KRTAP5-2: variants seen among roughly 807,000 people sequenced by gnomAD.
KRTAP5-2 encodes the protein keratin-associated protein 5-2.
For synonymous variants in KRTAP5-2, 79 were observed against 82.7 expected, an observed-to-expected ratio of 0.96 and a Z score of 0.24; for missense variants, 188 against 212.8, an observed-to-expected ratio of 0.88 and a Z score of 0.73.
In KRTAP5-2 at chr11:1,597,913, C is replaced by T. The variant is rs1335973660; in HGVS notation, c.338G>A (p.Cys113Tyr). The T allele has an allele frequency of 1.2e-6, 2 of 1,613,860 alleles. No individual in the cohort carries two copies. Among genetic ancestry groups the T allele is most frequent in the Middle Eastern group, 1.7e-4 (1 of 6,048 alleles). The change falls in exon 1 of 1, where the codon TGC (cysteine) becomes TAC (tyrosine). Residue 113 changes from cysteine to tyrosine, a missense_variant. Cys to Tyr is a radical substitution (Grantham distance 194). Transcript: ENST00000412090. ...GGGCTTACAACAGCTGGACTGGGAG[C>T]AGCCACAAGAACCACAGCCCCCCTT... ...GSKGGCGSCGCSQSSCCKPCC... is the reference protein window; with the variant it reads ...GSKGGCGSCGYSQSSCCKPCC...
At position 1,597,686 on chromosome 11, in the gene KRTAP5-2, A is replaced by G. The variant is rs1333028108; in HGVS notation, c.*31T>C. On this transcript the variant is annotated 3_prime_UTR_variant, in exon 1 of 1. Transcript: ENST00000412090. Reference sequence around the variant, plus strand: ...ACCATAAGAAATGCTTTCACCAAACAGGAGAAACCTGAAGGTCTGGGTCCA... The same window carrying G: ...ACCATAAGAAATGCTTTCACCAAACGGGAGAAACCTGAAGGTCTGGGTCCA... 1.9e-6 allele frequency: 3 copies of G among 1,612,662 alleles called. No individual in the cohort carries two copies. The Admixed American group carries it at 5.0e-5, about 27-fold the overall frequency.
Position 1,597,527 on chromosome 11 carries a change from G to A in KRTAP5-2, c.*190C>T, listed in dbSNP as rs372855068. 110 of 948,178 alleles carry A rather than the reference G, an allele frequency of 1.2e-4. No individual in the cohort carries two copies. The highest frequency in any genetic ancestry group is 1.6e-4 in the Non-Finnish European group (99 of 636,818). The allele number at this position is 948,178 out of a possible 1,614,324, so 58.7% of individuals were successfully genotyped here. A position where few individuals can be genotyped will look rare whatever the true frequency, so the allele number is the denominator to read the frequency against. On this transcript the variant is annotated 3_prime_UTR_variant, in exon 1 of 1. Transcript: ENST00000412090. ...CACCTCCCGCATCAGGGAAACACAC[G>A]TTTCTGGAGTGAGGAGGCTGAAGGC...
chr11:1,597,906 C>A lies in KRTAP5-2; in HGVS notation c.345G>T (p.Gln115His), dbSNP rs770043929. Residue 115 changes from glutamine (Q) to histidine (H), a missense_variant, in exon 1 of 1, where the codon CAG becomes CAT. By Grantham distance (24) the Gln-to-His change is conservative (BLOSUM62 0). Coordinates refer to ENST00000412090, the MANE Select transcript of KRTAP5-2 (RefSeq NM_001004325.2). ...KGGCGSCGCS[Q>H]SSCCKPCCCS... ...AGCAACAGGGCTTACAACAGCTGGA[C>A]TGGGAGCAGCCACAAGAACCACAGC... 4.3e-6 allele frequency: 7 copies of A among 1,613,776 alleles called. No individual in the cohort carries two copies. In the South Asian group the frequency reaches 6.6e-5, roughly 15 times the overall value.
chr11:1,597,413 A>G lies in KRTAP5-2; in HGVS notation c.*304T>C. 2.1e-6 allele frequency: 1 copy of G among 466,356 alleles called. No homozygotes were observed. The allele number at this position is 466,356 out of a possible 1,614,324, so 28.9% of individuals were successfully genotyped here. A position where few individuals can be genotyped will look rare whatever the true frequency, so the allele number is the denominator to read the frequency against. ...CTTGTGGGGTCAGACCTTGCATCTC[A>G]GTCAGCCCAGGGAGAAGAAGAAGAT... On this transcript the variant is annotated 3_prime_UTR_variant, in exon 1 of 1. Coordinates refer to ENST00000412090, the MANE Select transcript of KRTAP5-2 (RefSeq NM_001004325.2).
Position 1,597,959 on chromosome 11 carries a change from AGCCCCCCTTGG to A in KRTAP5-2, c.281_291del (p.Ser94LeufsTer23). The A allele has an allele frequency of 7.8e-6, 3 of 384,008 alleles. No homozygotes were observed. Among genetic ancestry groups the A allele is most frequent in the Non-Finnish European group, 1.1e-5 (3 of 270,016 alleles). 23.8% of individuals were successfully genotyped at this position (384,008 alleles called of 1,614,324 possible). A position where few individuals can be genotyped will look rare whatever the true frequency, so the allele number is the denominator to read the frequency against. Reference sequence around the variant, plus strand: ...CCCTTGGAACCCCCACAGGAGCCACAGCCCCCCTTGGAGCCCCCACAGGAGCCACAGCCCCC... The same window carrying A: ...CCCTTGGAACCCCCACAGGAGCCACAAGCCCCCACAGGAGCCACAGCCCCC... On this transcript the variant is annotated frameshift_variant, in exon 1 of 1. Transcript: ENST00000412090. LOFTEE classifies it low-confidence loss of function (END_TRUNC).
rs1310869482 is a variant in KRTAP5-2 at position 1,598,110 on chromosome 11, G to A, written c.141C>T (p.Ser47=). Residue 47 remains serine, a synonymous_variant, in exon 1 of 1, where the codon TCC becomes TCT. Transcript: ENST00000412090. ...GCGSGCGGCS[S]SCGGCGSRCY... ...ATCTGGAGCCACATCCCCCACAGCT[G>A]GAGCTGCAGCCCCCACAGCCAGAGC... The A allele has an allele frequency of 6.2e-7, 1 of 1,610,756 alleles. No individual in the cohort carries two copies. Among genetic ancestry groups the A allele is most frequent in the East Asian group, 2.2e-5 (1 of 44,804 alleles).
chr11:1,598,195 G>C lies in KRTAP5-2; in HGVS notation c.56C>G (p.Ser19Cys). Residue 19 changes from serine (S) to cysteine (C), a missense_variant, in exon 1 of 1, where the codon TCC (serine) becomes TGC (cysteine). Coordinates refer to ENST00000412090, the MANE Select transcript of KRTAP5-2 (RefSeq NM_001004325.2). ...GCCAGAGCCACAACCCCCACAGCTG[G>C]AGCCACAGCCCCCACAGCCGGAGCC... is the stretch of plus-strand genomic sequence containing the variant. The part of the protein sequence containing the change: ...GCGSGCGGCG[S>C]SCGGCGSGCG... 1 of 1,597,966 alleles carries C rather than the reference G, an allele frequency of 6.3e-7. No individual in the cohort carries two copies. The highest frequency in any genetic ancestry group is 8.5e-7 in the Non-Finnish European group (1 of 1,170,282).
At position 1,597,465 on chromosome 11, in the gene KRTAP5-2, C is replaced by T. The variant is rs567470567; in HGVS notation, c.*252G>A. On this transcript the variant is annotated 3_prime_UTR_variant, in exon 1 of 1. Transcript: ENST00000412090. Reference sequence around the variant, plus strand: ...GTCCACACCCAAGTGCAGGGAACATCGTGGCAGTCGGCTGGGTGCCTGCGT... The same window carrying T: ...GTCCACACCCAAGTGCAGGGAACATTGTGGCAGTCGGCTGGGTGCCTGCGT... 12 of 616,478 alleles carry T rather than the reference C, an allele frequency of 1.9e-5. No individual in the cohort carries two copies. The highest frequency in any genetic ancestry group is 1.2e-4 in the East Asian group (4 of 33,638). The allele number at this position is 616,478 out of a possible 1,614,324, so 38.2% of individuals were successfully genotyped here. A position where few individuals can be genotyped will look rare whatever the true frequency, so the allele number is the denominator to read the frequency against.
rs374648335 is a variant in KRTAP5-2, at chr11:1,597,901, C to G, written c.350G>C (p.Ser117Thr). Reference sequence around the variant, plus strand: ...GGAGCAGCAACAGGGCTTACAACAGCTGGACTGGGAGCAGCCACAAGAACC... The same window carrying G: ...GGAGCAGCAACAGGGCTTACAACAGGTGGACTGGGAGCAGCCACAAGAACC... ...GCGSCGCSQS[S>T]CCKPCCCSSG... Residue 117 changes from serine (S) to threonine (T), a missense_variant, in exon 1 of 1, where the codon AGC becomes ACC. Physicochemically the swap from Ser to Thr is moderately conservative, Grantham distance 58. Coordinates refer to ENST00000412090, the MANE Select transcript of KRTAP5-2 (RefSeq NM_001004325.2). 7.4e-6 allele frequency: 12 copies of G among 1,613,832 alleles called. No individual in the cohort carries two copies. In the African/African-American group the frequency reaches 1.6e-4, roughly 22 times the overall value.
rs1849299796 is a variant in KRTAP5-2, at chr11:1,597,386, G to C, written c.*331C>G. The stretch of plus-strand genomic sequence containing the variant: ...GTGATCACTCAGAAACGTCGGCCTG[G>C]CCTTGTGGGGTCAGACCTTGCATCT... On this transcript the variant is annotated 3_prime_UTR_variant, in exon 1 of 1. Coordinates refer to ENST00000412090, the MANE Select transcript of KRTAP5-2 (RefSeq NM_001004325.2). 2.4e-6 allele frequency: 1 copy of C among 408,980 alleles called. No homozygotes were observed. Among genetic ancestry groups the C allele is most frequent in the Admixed American group, 3.8e-5 (1 of 26,436 alleles). 25.3% of individuals were successfully genotyped at this position (408,980 alleles called of 1,614,324 possible).
Position 1,597,784 on chromosome 11 carries a change from C to T in KRTAP5-2, c.467G>A (p.Ser156Asn). Reference protein sequence around the residue: ...SCCVPVCCQSSCCKPCCCQSN... With the variant: ...SCCVPVCCQSNCCKPCCCQSN... ...CTGGCAGCAACAGGGCTTGCAGCAG[C>T]TGGACTGGCAGCACACGGGGACACA... The change falls in exon 1 of 1, where the codon AGC becomes AAC. Residue 156 changes from serine to asparagine, a missense_variant. Physicochemically the swap from Ser to Asn is conservative, Grantham distance 46. Coordinates refer to ENST00000412090, the MANE Select transcript of KRTAP5-2 (RefSeq NM_001004325.2). 2 of 1,613,910 alleles carry T rather than the reference C, an allele frequency of 1.2e-6. No homozygotes were observed. The highest frequency in any genetic ancestry group is 1.1e-5 in the South Asian group (1 of 91,078).
chr11:1,598,199 C>G lies in KRTAP5-2; in HGVS notation c.52G>C (p.Gly18Arg). ...GAGCCACAACCCCCACAGCTGGAGC[C>G]ACAGCCCCCACAGCCGGAGCCACAG... ...RGCGSGCGGC[G>R]SSCGGCGSGC... Residue 18 changes from glycine (G) to arginine (R), a missense_variant, in exon 1 of 1, where the codon GGC (glycine) becomes CGC (arginine). Physicochemically the swap from Gly to Arg is moderately radical, Grantham distance 125 (BLOSUM62 -2). Coordinates refer to ENST00000412090, the MANE Select transcript of KRTAP5-2 (RefSeq NM_001004325.2). The G allele has an allele frequency of 6.2e-7, 1 of 1,600,634 alleles. No homozygotes were observed. Among genetic ancestry groups the G allele is most frequent in the South Asian group, 1.1e-5 (1 of 90,396 alleles).
Position 1,598,050 on chromosome 11 carries a change from G to T in KRTAP5-2, c.201C>A (p.Cys67Ter). Residue 67 changes from cysteine to a stop codon, truncating the protein, a stop_gained, in exon 1 of 1, where the codon TGC (cysteine) becomes TGA (stop). Coordinates refer to ENST00000412090, the MANE Select transcript of KRTAP5-2 (RefSeq NM_001004325.2). LOFTEE classifies it low-confidence loss of function (END_TRUNC). ...YVPVCCCKPV[C>*]SWVPACSCTS... Reference sequence around the variant, plus strand: ...TGCAGGAACAGGCTGGCACCCAGGAGCACACGGGCTTGCAGCAGCAGACAG... The same window carrying T: ...TGCAGGAACAGGCTGGCACCCAGGATCACACGGGCTTGCAGCAGCAGACAG... 3 of 1,611,316 alleles carry T rather than the reference G, an allele frequency of 1.9e-6. No homozygotes were observed. Among genetic ancestry groups the T allele is most frequent in the Non-Finnish European group, 2.5e-6 (3 of 1,179,798 alleles).
In KRTAP5-2 at chr11:1,597,773, G is replaced by A. The variant is rs1238303967; in HGVS notation, c.478C>T (p.Pro160Ser). The A allele has an allele frequency of 1.2e-6, 2 of 1,613,936 alleles. No homozygotes were observed. Among genetic ancestry groups the A allele is most frequent in the Non-Finnish European group, 1.7e-6 (2 of 1,179,878 alleles). Residue 160 changes from proline to serine, a missense_variant, in exon 1 of 1, where the codon CCC becomes TCC. Physicochemically the swap from Pro to Ser is moderately conservative, Grantham distance 74 (BLOSUM62 -1). Transcript: ENST00000412090. ...CAACAGTTGGACTGGCAGCAACAGG[G>A]CTTGCAGCAGCTGGACTGGCAGCAC... Reference protein sequence around the residue: ...PVCCQSSCCKPCCCQSNCCVP... With the variant: ...PVCCQSSCCKSCCCQSNCCVP...
chr11:1,597,619 A>G lies in KRTAP5-2; in HGVS notation c.*98T>C. 1 of 1,561,048 alleles carries G rather than the reference A, an allele frequency of 6.4e-7. No individual in the cohort carries two copies. Among genetic ancestry groups the G allele is most frequent in the Non-Finnish European group, 8.7e-7 (1 of 1,144,612 alleles). ...ATGGATGGTGAGCTAGAGCAGGTGCAGGTGCCTCAGGGAGGATGTGTGGGA... is the reference window on the plus strand; with the variant it reads ...ATGGATGGTGAGCTAGAGCAGGTGCGGGTGCCTCAGGGAGGATGTGTGGGA... On this transcript the variant is annotated 3_prime_UTR_variant, in exon 1 of 1. Coordinates refer to ENST00000412090, the MANE Select transcript of KRTAP5-2 (RefSeq NM_001004325.2).
In KRTAP5-2 at chr11:1,597,234, T is replaced by G; in HGVS notation, c.*483A>C. The G allele has an allele frequency of 5.9e-6, 1 of 170,366 alleles. No individual in the cohort carries two copies. The allele number at this position is 170,366 out of a possible 1,614,324, so 10.6% of individuals were successfully genotyped here. On this transcript the variant is annotated 3_prime_UTR_variant, in exon 1 of 1. Transcript: ENST00000412090. ...GGAAATTCATTCATTATTTTGTTAT[T>G]TTTTTTTAAACAGATGGAGACAACA... is the stretch of plus-strand genomic sequence containing the variant.
At position 1,597,489 on chromosome 11, in the gene KRTAP5-2, G is replaced by A. The variant is rs571180708; in HGVS notation, c.*228C>T. ...TCGTGGCAGTCGGCTGGGTGCCTGC[G>A]TCCAGGCGAGGACACCTCCCGCATC... is the stretch of plus-strand genomic sequence containing the variant. On this transcript the variant is annotated 3_prime_UTR_variant, in exon 1 of 1. Coordinates refer to ENST00000412090, the MANE Select transcript of KRTAP5-2 (RefSeq NM_001004325.2). 9 of 705,236 alleles carry A rather than the reference G, an allele frequency of 1.3e-5. No homozygotes were observed. The highest frequency in any genetic ancestry group is 9.7e-5 in the South Asian group (5 of 51,406). 43.7% of individuals were successfully genotyped at this position (705,236 alleles called of 1,614,324 possible).
rs982228957 is a variant in KRTAP5-2 at position 1,598,033 on chromosome 11, C to G, written c.218G>C (p.Cys73Ser). Residue 73 changes from cysteine to serine, a missense_variant, in exon 1 of 1, where the codon TGT becomes TCT. By Grantham distance (112) the Cys-to-Ser change is moderately radical (BLOSUM62 -1). Transcript: ENST00000412090. ...ACAGGAGCCACAGCTGGTGCAGGAA[C>G]AGGCTGGCACCCAGGAGCACACGGG... The part of the protein sequence containing the change: ...CKPVCSWVPA[C>S]SCTSCGSCGG... 41 of 1,611,804 alleles carry G rather than the reference C, an allele frequency of 2.5e-5. No homozygotes were observed. In the East Asian group the frequency reaches 8.9e-4, roughly 35 times the overall value.
Position 1,597,662 on chromosome 11 carries a change from C to G in KRTAP5-2, c.*55G>C, listed in dbSNP as rs145895339. 6.2e-7 allele frequency: 1 copy of G among 1,608,558 alleles called. No homozygotes were observed. Among genetic ancestry groups the G allele is most frequent in the Non-Finnish European group, 8.5e-7 (1 of 1,176,036 alleles). On this transcript the variant is annotated 3_prime_UTR_variant, in exon 1 of 1. Transcript: ENST00000412090. ...GTGTGGGACGAACTGACTCAGGGAACCATAAGAAATGCTTTCACCAAACAG... is the reference window on the plus strand; with the variant it reads ...GTGTGGGACGAACTGACTCAGGGAAGCATAAGAAATGCTTTCACCAAACAG...
Sources: gnomAD v4.1 joint callset for allele counts on GRCh38, gnomAD v4.1.1 for gene constraint, MANE v1.5 for transcripts, NCBI Gene and HGNC (gene_info 2026-07-23, HGNC 2026-07-21) for gene names.